The following DNAH11 variants were observed in gnomAD, a reference collection of about 807,000 sequenced individuals.
DNAH11 encodes the protein dynein axonemal heavy chain 11.
DNAH11 carries 442 observed loss-of-function variants against 526.0 expected under a neutral mutation model. The observed-to-expected ratio is 0.84, with a 90% CI of 0.78 to 0.91. The LOEUF is 0.91. DNAH11 is among the 40% of genes least tolerant of loss of function. The probability of loss-of-function intolerance (pLI) is 0.00; values close to 1 mark genes in which losing one functional copy is unlikely to be tolerated. For missense variants in DNAH11, 6,989 were observed against 5,448.7 expected (o/e 1.28, Z -8.90); for synonymous variants, 2,461 against 1,935.9 (o/e 1.27, Z -7.12).
intron 35 of DNAH11, among the ~76,000 whole-genome samples, chr7:21,692,533 A>G (rs185194232): frequency 6.6e-5 from 10 of 152,334 alleles, no homozygotes; most frequent in South Asian, 2.1e-4. Flanking sequence ...TTAGTATTCT[A>G]TTATATAGAC....
At position 21,600,018 on chromosome 7, in the gene DNAH11, G is replaced by A. The variant is rs1264539293; in HGVS notation, c.2899G>A (p.Asp967Asn). Residue 967 changes from aspartate (D) to asparagine (N), a missense_variant, in exon 15 of 82, where the codon GAT (aspartate) becomes AAT (asparagine). Coordinates refer to ENST00000409508, the MANE Select transcript of DNAH11 (RefSeq NM_001277115.2). ...FKPSLDREAG[D>N]GFYDLVEEML... ...ACCTTCCCTAGACAGAGAGGCTGGG[G>A]ATGGCTTCTATGATCTTGTAGAAGA... 11 of 1,613,208 alleles carry A rather than the reference G, an allele frequency of 6.8e-6. No homozygotes were observed. In the South Asian group the frequency reaches 1.2e-4, roughly 18 times the overall value.
In DNAH11 at chr7:21,658,997, A is replaced by G. The variant is rs771040551; in HGVS notation, c.5294A>G (p.Tyr1765Cys). The G allele has an allele frequency of 5.8e-5, 94 of 1,607,416 alleles. No individual in the cohort carries two copies. The highest frequency in any genetic ancestry group is 7.4e-5 in the Non-Finnish European group (87 of 1,176,998). Residue 1765 changes from tyrosine to cysteine, a missense_variant, in exon 30 of 82, where the codon TAC (tyrosine) becomes TGC (cysteine). By Grantham distance (194) the Tyr-to-Cys change is radical. Coordinates refer to ENST00000409508, the MANE Select transcript of DNAH11 (RefSeq NM_001277115.2). Reference sequence around the variant, plus strand: ...GCCTTCAGTAGACTGGAAGAAGGCTACGAAACAGCCCTGAAGGATTTCCAT... The same window carrying G: ...GCCTTCAGTAGACTGGAAGAAGGCTGCGAAACAGCCCTGAAGGATTTCCAT... ...GIAFSRLEEG[Y>C]ETALKDFHKK...
intron 65 of DNAH11, among the ~76,000 whole-genome samples, chr7:21,830,628 G>A (rs986195847): frequency 3.9e-5 from 6 of 152,186 alleles, no homozygotes; most frequent in Non-Finnish European, 7.4e-5. Context: ...TCTAGTCCCA[G>A]CTCTGCCTCT....
At chr7:21,784,380 T>C in intron 57 of DNAH11, 47 bp from the exon 58 acceptor site, 5 of 1,404,302 alleles carry the variant, frequency 3.6e-6, no homozygotes, top group Non-Finnish European at 5.0e-6. Context: ...TAGAGATATC[T>C]GTGATAATAA....
intron 65 of DNAH11, among the ~76,000 whole-genome samples, chr7:21,832,494 T>A (rs1016616266): frequency 6.6e-6 from 1 of 152,192 alleles, no homozygotes; most frequent in Non-Finnish European, 1.5e-5. Flanking sequence ...AGCCTATGTG[T>A]GTCTTTGCAC....
chr7:21,648,504 A>T (rs1406357306), intron 28 of DNAH11, among the ~76,000 whole-genome samples: 3 of 152,160 alleles, frequency 2.0e-5, no homozygotes, highest in Non-Finnish European at 4.4e-5. Context: ...GGATAATGAG[A>T]TGAACATGCC....
chr7:21,673,968 G>T (rs1381898598), intron 30 of DNAH11, among the ~76,000 whole-genome samples: 18 of 150,960 alleles, frequency 1.2e-4, no homozygotes, highest in Admixed American at 1.2e-3. Context: ...ACTTCACCTG[G>T]CTGGTCTTCC....
chr7:21,738,587 C>T (rs940377884), intron 46 of DNAH11, 114 bp from the exon 47 acceptor site: 5 of 1,126,204 alleles, frequency 4.4e-6, no homozygotes, highest in Non-Finnish European at 5.0e-6. Context: ...AGGGGCGATA[C>T]CTGAAACCAC....
intron 75 of DNAH11, among the ~76,000 whole-genome samples, chr7:21,881,180 G>T (rs1331832629): frequency 1.3e-5 from 2 of 152,160 alleles, no homozygotes; most frequent in African/African-American, 4.8e-5. Flanking sequence ...GTTTACATGT[G>T]CGTATATGCC....
At chr7:21,675,381 G>A (rs1435742088) in intron 30 of DNAH11, among the ~76,000 whole-genome samples, 1 of 152,120 alleles carries the variant, frequency 6.6e-6, no homozygotes, top group Non-Finnish European at 1.5e-5. Context: ...CTCCCTGCTG[G>A]CCAACCCCTA....
intron 80 of DNAH11, 106 bp downstream of exon 80, chr7:21,899,554 C>T (rs1392202280): frequency 1.2e-6 from 1 of 859,722 alleles, no homozygotes; most frequent in East Asian, 2.4e-5. Flanking sequence ...GCTCACCAAT[C>T]CTCAAGCAGC....
At chr7:21,589,456 C>T in intron 12 of DNAH11, 53 bp downstream of exon 12, 1 of 1,401,640 alleles carries the variant, frequency 7.1e-7, no homozygotes, top group South Asian at 1.3e-5. Flanking sequence ...TATTATAAGC[C>T]TATTTCTGAT....
Position 21,754,936 on chromosome 7 carries a change from A to G in DNAH11, c.8940+4572A>G, listed in dbSNP as rs923529230. ...CCAAATTGCTCTATGTTATTTTCAG[A>G]TATCATGATATTCACCAGTGTGTAC... On this transcript the variant is annotated intron_variant, in intron 54 of 81. Coordinates refer to ENST00000409508, the MANE Select transcript of DNAH11 (RefSeq NM_001277115.2). Among the ~76,000 whole-genome samples, 7 of 152,204 alleles carry G rather than the reference A, an allele frequency of 4.6e-5. 1 individual carries two copies. The highest frequency in any genetic ancestry group is 1.7e-4 in the African/African-American group (7 of 41,452).
intron 74 of DNAH11, among the ~76,000 whole-genome samples, chr7:21,874,882 G>A (rs1429957538): frequency 6.6e-6 from 1 of 152,034 alleles, no homozygotes; most frequent in Non-Finnish European, 1.5e-5. Flanking sequence ...ACAGTAGAAT[G>A]AACCCTAAAG....
intron 56 of DNAH11, among the ~76,000 whole-genome samples, chr7:21,775,221 A>G (rs17145367): frequency 0.071 from 10,756 of 152,216 alleles, 432 homozygotes; most frequent in East Asian, 0.14. Context: ...CAGGGTGAGT[A>G]GGTTTCCAGG....
At chr7:21,656,104 C>G (rs557058427) in intron 29 of DNAH11, 123 bp downstream of exon 29, 2 of 1,112,734 alleles carry the variant, frequency 1.8e-6, no homozygotes, top group Non-Finnish European at 2.4e-6. Context: ...GTTTTGTGCT[C>G]GGAGGTTCCT....
chr7:21,821,411 T>C (rs1310528217), intron 65 of DNAH11, among the ~76,000 whole-genome samples: 1 of 152,142 alleles, frequency 6.6e-6, no homozygotes, highest in African/African-American at 2.4e-5. Flanking sequence ...GGAGACTCTG[T>C]ACAGCCAGAA....
rs1455425486 is a variant in DNAH11, at chr7:21,675,078, C to G, written c.5329-6468C>G. On this transcript the variant is annotated intron_variant, in intron 30 of 81. Transcript: ENST00000409508. ...CATCCTCCTCACAGGTCTTTTCTTC[C>G]AGTCTTACCTTCCTCCAATTCATTC... Among the ~76,000 whole-genome samples the G allele has an allele frequency of 9.3e-5, 14 of 150,062 alleles. No individual in the cohort carries two copies. In the Admixed American group the frequency reaches 9.7e-4, roughly 10 times the overall value.
At position 21,606,752 on chromosome 7, in the gene DNAH11, A is replaced by C. The variant is rs375187783; in HGVS notation, c.3852+19A>C. On this transcript the variant is annotated intron_variant, in intron 20 of 81. Transcript: ENST00000409508. ...TGATAAGGTAATACAGATCTCAAATATCCTGTGTGCATTAAAATAGCTACT... is the reference window on the plus strand; with the variant it reads ...TGATAAGGTAATACAGATCTCAAATCTCCTGTGTGCATTAAAATAGCTACT... The C allele has an allele frequency of 9.8e-5, 154 of 1,575,844 alleles. No individual in the cohort carries two copies. Among genetic ancestry groups the C allele is most frequent in the Non-Finnish European group, 1.3e-4 (148 of 1,154,898 alleles).
Sources: gnomAD v4.1 joint callset for allele counts (sites outside exome capture counted in the v4.1 genomes callset) on GRCh38, gnomAD v4.1.1 for gene constraint, MANE v1.5 for transcripts, NCBI Gene and HGNC (gene_info 2026-07-23, HGNC 2026-07-21) for gene names.